Variants in TBL3 observed in about 807,000 individuals in gnomAD.
The protein encoded by TBL3 is transducin beta-like protein 3.
In TBL3, 71 loss-of-function variants were observed where a neutral mutation model predicts 102.7. That is an observed-to-expected ratio of 0.69 (90% confidence interval 0.57 to 0.84). The LOEUF (loss-of-function observed/expected upper bound fraction) is 0.84. Ranked by LOEUF, TBL3 falls within the 40% of genes least tolerant of loss-of-function variation. The pLI is 0.00. For synonymous variants in TBL3, 578 were observed against 477.7 expected, an observed-to-expected ratio of 1.21 and a Z score of -2.74; for missense variants, 1,188 against 1,098.5, an observed-to-expected ratio of 1.08 and a Z score of -1.15.
chr16:1,976,908 G>C lies in TBL3; in HGVS notation c.1387G>C (p.Asp463His). Residue 463 changes from aspartate (D) to histidine (H), a missense_variant, in exon 14 of 22, where the codon GAC becomes CAC. Physicochemically the swap from Asp to His is moderately conservative, Grantham distance 81. Coordinates refer to ENST00000568546, the MANE Select transcript of TBL3 (RefSeq NM_006453.3). Reference protein sequence around the residue: ...KALLSKNTAPDNGPILLQAQT... With the variant: ...KALLSKNTAPHNGPILLQAQT... The stretch of plus-strand genomic sequence containing the variant: ...CTTGCTGTCCAAGAACACAGCCCCA[G>C]ACAACGGCCCTATCCTCCTGCAGGC... The C allele has an allele frequency of 6.2e-7, 1 of 1,613,984 alleles. No homozygotes were observed. Among genetic ancestry groups the C allele is most frequent in the East Asian group, 2.2e-5 (1 of 44,888 alleles).
chr16:1,980,278 C>T lies in TBL3; in HGVS notation c.*1593C>T, dbSNP rs2083475677. 6 of 1,514,456 alleles carry T rather than the reference C, an allele frequency of 4.0e-6. No individual in the cohort carries two copies. The highest frequency in any genetic ancestry group is 5.3e-6 in the Non-Finnish European group (6 of 1,129,650). 93.8% of individuals were successfully genotyped at this position (1,514,456 alleles called of 1,614,324 possible). ...AAGACCGCCAGCCTCCCACTCTCTG[C>T]CCCTATTCGCTGGCTGTTCCCCCCC... On this transcript the variant is annotated 3_prime_UTR_variant, in exon 22 of 22. Transcript: ENST00000568546.
rs576486896 is a variant in TBL3, at chr16:1,972,228, G to T, written c.41+23G>T. On this transcript the variant is annotated intron_variant, in intron 1 of 21. Transcript: ENST00000568546. ...CAAGTGAGCCCGGAGCTCTGGGGCC[G>T]TGCGGGGAGGGAGCTGGGTTTGCAG... is the stretch of plus-strand genomic sequence containing the variant. 103 of 1,360,940 alleles carry T rather than the reference G, an allele frequency of 7.6e-5. No individual in the cohort carries two copies. In the African/African-American group the frequency reaches 1.5e-3, roughly 20 times the overall value. 84.3% of individuals were successfully genotyped at this position (1,360,940 alleles called of 1,614,324 possible).
Position 1,975,620 on chromosome 16 carries a change from C to T in TBL3, c.897C>T (p.Thr299=), listed in dbSNP as rs372909586. The part of the protein sequence containing the change: ...PGPGQELTHC[T]LAHTAGVVLT... ...CTGGGCAGGAGCTGACCCACTGCAC[C>T]CTGGCACACACCGCCGGCGTGGTCC... Residue 299 remains threonine (T), a synonymous_variant, in exon 10 of 22, where the codon ACC becomes ACT. Coordinates refer to ENST00000568546, the MANE Select transcript of TBL3 (RefSeq NM_006453.3). The T allele has an allele frequency of 6.2e-7, 1 of 1,603,008 alleles. No homozygotes were observed. Among genetic ancestry groups the T allele is most frequent in the Non-Finnish European group, 8.5e-7 (1 of 1,179,796 alleles).
rs534041468 is a variant in TBL3 at position 1,979,999 on chromosome 16, G to A, written c.*1314G>A. The A allele has an allele frequency of 3.3e-4, 522 of 1,602,026 alleles. 5 individuals carry two copies. The South Asian group carries it at 5.7e-3, about 17-fold the overall frequency. On this transcript the variant is annotated 3_prime_UTR_variant, in exon 22 of 22. Coordinates refer to ENST00000568546, the MANE Select transcript of TBL3 (RefSeq NM_006453.3). The stretch of plus-strand genomic sequence containing the variant: ...CCTGGGTTCTTGGGGGGCCCTACCT[G>A]AGGGGTGCCGCAGCAGCACGTCCAG...
At chr16:1,972,466 G>C (rs1341162810) in intron 1 of TBL3, among the ~76,000 whole-genome samples, 1 of 152,212 alleles carries the variant, frequency 6.6e-6, no homozygotes, top group East Asian at 1.9e-4. Flanking sequence ...GGGTGGAGTG[G>C]GGACCAGAAG....
Position 1,977,190 on chromosome 16 carries a change from G to T in TBL3, c.1577G>T (p.Cys526Phe), listed in dbSNP as rs2083409852. Residue 526 changes from cysteine (C) to phenylalanine (F), a missense_variant, in exon 15 of 22, where the codon TGC (cysteine) becomes TTC (phenylalanine). Cys to Phe is a radical substitution (Grantham distance 205). Transcript: ENST00000568546. ...TCAGGCCACCGGCGTGGCCTCTGGTGCGTCCAGTTCTCTCCCATGGACCAG... is the reference window on the plus strand; with the variant it reads ...TCAGGCCACCGGCGTGGCCTCTGGTTCGTCCAGTTCTCTCCCATGGACCAG... ...VFSGHRRGLW[C>F]VQFSPMDQVL... The T allele has an allele frequency of 1.2e-6, 2 of 1,613,062 alleles. No homozygotes were observed. Among genetic ancestry groups the T allele is most frequent in the Admixed American group, 3.3e-5 (2 of 59,998 alleles).
chr16:1,979,899 C>G lies in TBL3; in HGVS notation c.*1214C>G. ...GCCGGTCTTCGTTCTCCACCAGCCACCAGCCTGTGCGCAAGAAGCGGGCAG... is the reference window on the plus strand; with the variant it reads ...GCCGGTCTTCGTTCTCCACCAGCCAGCAGCCTGTGCGCAAGAAGCGGGCAG... On this transcript the variant is annotated 3_prime_UTR_variant, in exon 22 of 22. Transcript: ENST00000568546. 1 of 1,582,958 alleles carries G rather than the reference C, an allele frequency of 6.3e-7. No homozygotes were observed. The highest frequency in any genetic ancestry group is 8.6e-7 in the Non-Finnish European group (1 of 1,165,296).
rs929661284 is a variant in TBL3 at position 1,977,653 on chromosome 16, C to T, written c.1882C>T (p.Arg628Ter). Residue 628 changes from arginine (R) to a stop codon, truncating the protein, a stop_gained, in exon 17 of 22, where the codon CGA becomes TGA. Coordinates refer to ENST00000568546, the MANE Select transcript of TBL3 (RefSeq NM_006453.3). LOFTEE classifies it high-confidence loss of function. ...DHALTGASDS[R>*]VILWKDVTEA... ...CGCCCTCACTGGGGCCAGTGACTCC[C>T]GAGTCATCCTCTGGAAGGTTGTGGG... The T allele has an allele frequency of 2.6e-6, 4 of 1,551,766 alleles. No homozygotes were observed. Among genetic ancestry groups the T allele is most frequent in the Non-Finnish European group, 3.5e-6 (4 of 1,147,154 alleles).
chr16:1,978,978 A>C lies in TBL3; in HGVS notation c.*293A>C. On this transcript the variant is annotated 3_prime_UTR_variant, in exon 22 of 22. Coordinates refer to ENST00000568546, the MANE Select transcript of TBL3 (RefSeq NM_006453.3). Reference sequence around the variant, plus strand: ...TGGCCCCCTCCCATCCCTGCTGGCCAGGGAGATCCGCCCTCCCCGCTCCTC... The same window carrying C: ...TGGCCCCCTCCCATCCCTGCTGGCCCGGGAGATCCGCCCTCCCCGCTCCTC... 2 of 1,382,140 alleles carry C rather than the reference A, an allele frequency of 1.4e-6. No individual in the cohort carries two copies. The highest frequency in any genetic ancestry group is 9.7e-7 in the Non-Finnish European group (1 of 1,031,014). 85.6% of individuals were successfully genotyped at this position (1,382,140 alleles called of 1,614,324 possible). A position where few individuals can be genotyped will look rare whatever the true frequency, so the allele number is the denominator to read the frequency against.
In TBL3 at chr16:1,974,095, C is replaced by G; in HGVS notation, c.81C>G (p.Gly27=). The G allele has an allele frequency of 6.3e-7, 1 of 1,584,942 alleles. No individual in the cohort carries two copies. Among genetic ancestry groups the G allele is most frequent in the South Asian group, 1.1e-5 (1 of 89,040 alleles). The change falls in exon 2 of 22, where the codon GGC becomes GGG. Residue 27 remains glycine (G), a synonymous_variant. Transcript: ENST00000568546. ...GCAAAATTGAGCCTTTCTACAAGGG[C>G]GGAAAAGCACAGGTACCAGCCTGGG... is the stretch of plus-strand genomic sequence containing the variant. ...VERKIEPFYK[G]GKAQLDQTGQ...
Position 1,974,535 on chromosome 16 carries a change from C to T in TBL3, c.238-3C>T. The T allele has an allele frequency of 6.2e-6, 10 of 1,603,024 alleles. No individual in the cohort carries two copies. The highest frequency in any genetic ancestry group is 8.5e-6 in the Non-Finnish European group (10 of 1,172,882). ...CCCTCTGCTGACCTGTACCCTCCCC[C>T]AGGTGCTGGTGACAGCCAGTCGGGC... is the stretch of plus-strand genomic sequence containing the variant. On this transcript the variant is annotated splice_region_variant and splice_polypyrimidine_tract_variant and intron_variant, in intron 4 of 21. Coordinates refer to ENST00000568546, the MANE Select transcript of TBL3 (RefSeq NM_006453.3).
chr16:1,974,635 T>A lies in TBL3; in HGVS notation c.335T>A (p.Val112Glu). 1 of 1,609,578 alleles carries A rather than the reference T, an allele frequency of 6.2e-7. No homozygotes were observed. Residue 112 changes from valine to glutamate, a missense_variant, in exon 5 of 22, where the codon GTG (valine) becomes GAG (glutamate). Physicochemically the swap from Val to Glu is moderately radical, Grantham distance 121. Coordinates refer to ENST00000568546, the MANE Select transcript of TBL3 (RefSeq NM_006453.3). The stretch of plus-strand genomic sequence containing the variant: ...TGGAAGGCGATACACACGGCCCCCG[T>A]GGCCACCATGGCCTTCGACCCCACC... Reference protein sequence around the residue: ...RLWKAIHTAPVATMAFDPTST... With the variant: ...RLWKAIHTAPEATMAFDPTST...
intron 6 of TBL3, 22 bp from the exon 7 acceptor site, chr16:1,974,906 A>T: frequency 6.2e-7 from 1 of 1,612,282 alleles, no homozygotes; most frequent in Non-Finnish European, 8.5e-7. Flanking sequence ...CAGCTCACCC[A>T]TCCTGTCCCG....
chr16:1,976,686 GGCCAACCCGCATCCTGGGACAGGC>G, intron 13 of TBL3, 104 bp from the exon 14 acceptor site: 10 of 1,183,254 alleles, frequency 8.5e-6, no homozygotes, highest in Middle Eastern at 2.7e-4. Flanking sequence ...GGGTGACCCA[GGCCAACCCGCATCCTGGGACAGGC>G]CCCGTGGTCT....
In TBL3 at chr16:1,980,549, A is replaced by T; in HGVS notation, c.*1864A>T. ...CGCGTCCCAACAGTGGTGCATCTTA[A>T]GGCACCACAAAAACGTACTGTGATA... On this transcript the variant is annotated 3_prime_UTR_variant, in exon 22 of 22. Coordinates refer to ENST00000568546, the MANE Select transcript of TBL3 (RefSeq NM_006453.3). The T allele has an allele frequency of 1.2e-6, 2 of 1,600,324 alleles. No homozygotes were observed. Among genetic ancestry groups the T allele is most frequent in the South Asian group, 2.2e-5 (2 of 90,326 alleles).
At position 1,979,004 on chromosome 16, in the gene TBL3, C is replaced by T; in HGVS notation, c.*319C>T. 1 of 1,502,882 alleles carries T rather than the reference C, an allele frequency of 6.7e-7. No homozygotes were observed. The highest frequency in any genetic ancestry group is 8.8e-7 in the Non-Finnish European group (1 of 1,130,754). 93.1% of individuals were successfully genotyped at this position (1,502,882 alleles called of 1,614,324 possible). A position where few individuals can be genotyped will look rare whatever the true frequency, so the allele number is the denominator to read the frequency against. On this transcript the variant is annotated 3_prime_UTR_variant, in exon 22 of 22. Coordinates refer to ENST00000568546, the MANE Select transcript of TBL3 (RefSeq NM_006453.3). ...GGGAGATCCGCCCTCCCCGCTCCTC[C>T]CCAGCCCTGGGATGGCGCGGTCCAT...
chr16:1,974,466 C>A, intron 4 of TBL3, 43 bp downstream of exon 4: 1 of 1,588,996 alleles, frequency 6.3e-7, no homozygotes, highest in Admixed American at 1.8e-5. Flanking sequence ...CCAGCGCCTC[C>A]CTCCCAGACT....
rs1212758917 is a variant in TBL3, at chr16:1,979,067, G to C, written c.*382G>C. On this transcript the variant is annotated 3_prime_UTR_variant, in exon 22 of 22. Transcript: ENST00000568546. ...ATCCTCGCGCTCACTGCTCCGTCGT[G>C]GGGTGCGGCACAGAGTCCACGCACC... The C allele has an allele frequency of 6.5e-7, 1 of 1,544,630 alleles. No individual in the cohort carries two copies. Among genetic ancestry groups the C allele is most frequent in the Admixed American group, 2.0e-5 (1 of 50,834 alleles).
chr16:1,974,003 C>T (rs2083378912), intron 1 of TBL3, 53 bp from the exon 2 acceptor site: 18 of 1,498,492 alleles, frequency 1.2e-5, no homozygotes, highest in Non-Finnish European at 1.5e-5. Flanking sequence ...AGGGCGGGGC[C>T]CTGGGGACTG....
Sources: gnomAD v4.1 joint callset for allele counts (sites outside exome capture counted in the v4.1 genomes callset) on GRCh38, gnomAD v4.1.1 for gene constraint, MANE v1.5 for transcripts, NCBI Gene and HGNC (gene_info 2026-07-23, HGNC 2026-07-21) for gene names.